B3GALT5: variants seen among roughly 807,000 people sequenced by gnomAD.
B3GALT5 encodes beta-1,3-galactosyltransferase 5.
For synonymous variants in B3GALT5, 156 were observed against 158.6 expected (o/e 0.98, Z 0.12); for missense variants, 328 against 396.6 (o/e 0.83, Z 1.47).
Position 39,663,529 on chromosome 21 carries a change from G to C in B3GALT5, c.*2037G>C, listed in dbSNP as rs1300110592. On this transcript the variant is annotated 3_prime_UTR_variant, in exon 4 of 4. Coordinates refer to ENST00000684187, the MANE Select transcript of B3GALT5 (RefSeq NM_001356336.2). Reference sequence around the variant, plus strand: ...GTCTCACCCTGTCACCCAAGCTGGAGCGTAGTGGCCTGATCTCGCTGCAGC... The same window carrying C: ...GTCTCACCCTGTCACCCAAGCTGGACCGTAGTGGCCTGATCTCGCTGCAGC... 5.3e-5 allele frequency: 8 copies of C among 151,178 alleles called. No homozygotes were observed. The highest frequency in any genetic ancestry group is 1.7e-4 in the African/African-American group (7 of 41,046). The allele number at this position is 151,178 out of a possible 1,614,324, so 9.4% of individuals were successfully genotyped here.
At chr21:39,630,087 G>A (rs2079183625) in intron 1 of B3GALT5, among the ~76,000 whole-genome samples, 1 of 152,100 alleles carries the variant, frequency 6.6e-6, no homozygotes, top group Admixed American at 6.6e-5. Context: ...CGGTCCTAGC[G>A]TATTCTCTAA....
intron 2 of B3GALT5, among the ~76,000 whole-genome samples, chr21:39,659,031 A>G (rs1010974556): frequency 7.2e-5 from 11 of 152,216 alleles, no homozygotes; most frequent in Non-Finnish European, 1.5e-4. Flanking sequence ...GCGTGAGCCC[A>G]GGAGTTTGAG....
At chr21:39,625,632 A>G (rs2079159676) in intron 1 of B3GALT5, among the ~76,000 whole-genome samples, 1 of 152,188 alleles carries the variant, frequency 6.6e-6, no homozygotes, top group African/African-American at 2.4e-5. Context: ...GTCCTCAATA[A>G]AGAAACCTGT....
Position 39,662,226 on chromosome 21 carries a change from G to A in B3GALT5, c.*734G>A, listed in dbSNP as rs951759707. On this transcript the variant is annotated 3_prime_UTR_variant, in exon 4 of 4. Coordinates refer to ENST00000684187, the MANE Select transcript of B3GALT5 (RefSeq NM_001356336.2). ...GAGTTCTTATAAATGTATAAATTAG[G>A]CTCAGAAACCACTGCATTCTGACCT... 4.2e-5 allele frequency: 7 copies of A among 167,052 alleles called. No homozygotes were observed. The highest frequency in any genetic ancestry group is 1.7e-4 in the African/African-American group (7 of 41,436). The allele number at this position is 167,052 out of a possible 1,614,324, so 10.3% of individuals were successfully genotyped here.
At chr21:39,627,712 T>C (rs1479158422) in intron 1 of B3GALT5, among the ~76,000 whole-genome samples, 1 of 152,186 alleles carries the variant, frequency 6.6e-6, no homozygotes, top group Non-Finnish European at 1.5e-5. Context: ...CATTTATTAC[T>C]TATGTATGTT....
rs114637517 is a variant in B3GALT5, at chr21:39,650,376, G to A, written c.-161+3754G>A. Among the ~76,000 whole-genome samples, 1,484 of 152,312 alleles carry A rather than the reference G, an allele frequency of 9.7e-3. 33 individuals are homozygous for A. Among genetic ancestry groups the A allele is most frequent in the African/African-American group, 0.034 (1,409 of 41,572 alleles). On this transcript the variant is annotated intron_variant, in intron 2 of 3. Coordinates refer to ENST00000684187, the MANE Select transcript of B3GALT5 (RefSeq NM_001356336.2). Reference sequence around the variant, plus strand: ...CCTTCACTGGTCAGCTGCAAAAGGCGGGCACAGGCTGCTCCTGAGGCTGTG... The same window carrying A: ...CCTTCACTGGTCAGCTGCAAAAGGCAGGCACAGGCTGCTCCTGAGGCTGTG...
chr21:39,633,376 T>C (rs1331400761), intron 1 of B3GALT5, among the ~76,000 whole-genome samples: 1 of 152,230 alleles, frequency 6.6e-6, no homozygotes, highest in Non-Finnish European at 1.5e-5. Context: ...TTTGCTTATA[T>C]GACACCTGGA....
At position 39,662,719 on chromosome 21, in the gene B3GALT5, C is replaced by T. The variant is rs2079541177; in HGVS notation, c.*1227C>T. On this transcript the variant is annotated 3_prime_UTR_variant, in exon 4 of 4. Coordinates refer to ENST00000684187, the MANE Select transcript of B3GALT5 (RefSeq NM_001356336.2). ...TGCAGGGTTGTATAAAACCAAGGTA[C>T]TTCGTTAGTTTTGCCCATTCAGCCA... The T allele has an allele frequency of 6.0e-6, 1 of 167,490 alleles. No individual in the cohort carries two copies. Among genetic ancestry groups the T allele is most frequent in the Admixed American group, 6.5e-5 (1 of 15,288 alleles). The allele number at this position is 167,490 out of a possible 1,614,324, so 10.4% of individuals were successfully genotyped here.
At position 39,662,037 on chromosome 21, in the gene B3GALT5, T is replaced by C. The variant is rs1267978464; in HGVS notation, c.*545T>C. 13 of 167,120 alleles carry C rather than the reference T, an allele frequency of 7.8e-5. No individual in the cohort carries two copies. Among genetic ancestry groups the C allele is most frequent in the Non-Finnish European group, 1.2e-4 (8 of 68,178 alleles). 10.4% of individuals were successfully genotyped at this position (167,120 alleles called of 1,614,324 possible). A position where few individuals can be genotyped will look rare whatever the true frequency, so the allele number is the denominator to read the frequency against. On this transcript the variant is annotated 3_prime_UTR_variant, in exon 4 of 4. Transcript: ENST00000684187. ...TCCTTGTGCTTTTTGGAGCTAAGCC[T>C]GGGATGACCAAATTCACCCCAGCTC...
Position 39,670,337 on chromosome 21 carries a change from C to A in B3GALT5, c.*8845C>A, listed in dbSNP as rs573499730. On this transcript the variant is annotated 3_prime_UTR_variant, in exon 4 of 4. Transcript: ENST00000684187. ...TCTGAACAATGTTAACTGCCCCACC[C>A]GTGTCCATGAAGGGCAGTGGAAGAG... 6.6e-6 allele frequency: 1 copy of A among 152,166 alleles called. No homozygotes were observed. The highest frequency in any genetic ancestry group is 2.4e-5 in the African/African-American group (1 of 41,430). The allele number at this position is 152,166 out of a possible 1,614,324, so 9.4% of individuals were successfully genotyped here. A position where few individuals can be genotyped will look rare whatever the true frequency, so the allele number is the denominator to read the frequency against.
In B3GALT5 at chr21:39,665,605, C is replaced by G. The variant is rs753073466; in HGVS notation, c.*4113C>G. 4.6e-5 allele frequency: 7 copies of G among 152,322 alleles called. No individual in the cohort carries two copies. Among genetic ancestry groups the G allele is most frequent in the Non-Finnish European group, 1.0e-4 (7 of 68,132 alleles). The allele number at this position is 152,322 out of a possible 1,614,324, so 9.4% of individuals were successfully genotyped here. A position where few individuals can be genotyped will look rare whatever the true frequency, so the allele number is the denominator to read the frequency against. ...AGCCCCTTTGCCCTATGTGCCCATC[C>G]CCGTCAGCCTTGGCACTGGCTGTCC... On this transcript the variant is annotated 3_prime_UTR_variant, in exon 4 of 4. Transcript: ENST00000684187.
intron 1 of B3GALT5, among the ~76,000 whole-genome samples, chr21:39,616,785 T>C (rs1021250595): frequency 1.3e-5 from 2 of 152,146 alleles, no homozygotes; most frequent in African/African-American, 4.8e-5. Context: ...ATAATCATGA[T>C]TGGTGGATTT....
In B3GALT5 at chr21:39,622,805, G is replaced by A. The variant is rs777913038; in HGVS notation, c.-392+9738G>A. Among the ~76,000 whole-genome samples, 84 of 148,510 alleles carry A rather than the reference G, an allele frequency of 5.7e-4. 1 individual carries two copies. The highest frequency in any genetic ancestry group is 9.9e-4 in the East Asian group (5 of 5,066). ...TTAGTTCTCTTTTCTTCATTTTTTC[G>A]TCTCCTGTTGGATTGATACAGTTTT... On this transcript the variant is annotated intron_variant, in intron 1 of 3. Transcript: ENST00000684187.
At chr21:39,644,777 G>C (rs1226514192) in intron 1 of B3GALT5, among the ~76,000 whole-genome samples, 1 of 152,132 alleles carries the variant, frequency 6.6e-6, no homozygotes, top group Admixed American at 6.5e-5. Context: ...TTTTAAAAAT[G>C]AGAGCTTGGG....
chr21:39,649,429 A>G (rs2079373204), intron 2 of B3GALT5, among the ~76,000 whole-genome samples: 1 of 152,210 alleles, frequency 6.6e-6, no homozygotes, highest in Non-Finnish European at 1.5e-5. Context: ...GTCTCCCTGA[A>G]TATCCACAGG....
At chr21:39,649,290 A>G (rs2079371854) in intron 2 of B3GALT5, among the ~76,000 whole-genome samples, 1 of 152,112 alleles carries the variant, frequency 6.6e-6, no homozygotes, top group Non-Finnish European at 1.5e-5. Context: ...TTGCTCCTCT[A>G]GGCCATTCTG....
At chr21:39,647,448 C>T (rs756105209) in intron 2 of B3GALT5, among the ~76,000 whole-genome samples, 31 of 152,104 alleles carry the variant, frequency 2.0e-4, no homozygotes, top group Non-Finnish European at 3.4e-4. Context: ...TTTTGGTTCT[C>T]GGGCCTCAGT....
At chr21:39,644,663 T>C (rs1287075495) in intron 1 of B3GALT5, among the ~76,000 whole-genome samples, 3 of 152,222 alleles carry the variant, frequency 2.0e-5, no homozygotes, top group Non-Finnish European at 4.4e-5. Flanking sequence ...GTTCTTGTTA[T>C]GCACAAGGAG....
chr21:39,661,044 A>AT lies in B3GALT5; in HGVS notation c.486dup (p.Val163CysfsTer2), dbSNP rs1569223442. On this transcript the variant is annotated frameshift_variant, in exon 4 of 4. Transcript: ENST00000684187. LOFTEE classifies it low-confidence loss of function (END_TRUNC). This position sits in a 1 kb window ranked among gnomAD's most constrained non-coding sequence, Gnocchi z 4.7. ...AAAACAGACTCAGACATGTTCATCA[A>AT]TGTTGACTATCTGACTGAACTGCTT... 6.2e-7 allele frequency: 1 copy of AT among 1,614,218 alleles called. No homozygotes were observed. Among genetic ancestry groups the AT allele is most frequent in the Admixed American group, 1.7e-5 (1 of 60,030 alleles).
Sources: gnomAD v4.1 joint callset for allele counts (sites outside exome capture counted in the v4.1 genomes callset) on GRCh38, gnomAD v4.1.1 for gene constraint, Gnocchi (gnomAD v3.1) non-coding constraint, MANE v1.5 for transcripts, NCBI Gene and HGNC (gene_info 2026-07-23, HGNC 2026-07-21) for gene names.